Variants in HSBP1 observed in about 807,000 individuals in gnomAD.
The protein encoded by HSBP1 is heat shock factor binding protein 1, also known as heat shock factor-binding protein 1.
A neutral mutation model predicts 9.6 loss-of-function variants in HSBP1; 5 were observed. The observed-to-expected ratio is 0.52, with a 90% CI of 0.27 to 1.09. HSBP1 has a LOEUF of 1.09. Ranked by LOEUF, HSBP1 falls within the 50% of genes least tolerant of loss-of-function variation. The pLI, the probability that HSBP1 is intolerant of heterozygous loss-of-function variation, is 0.11. For missense variants in HSBP1, 121 were observed against 96.3 expected, an observed-to-expected ratio of 1.26 and a Z score of -1.07; for synonymous variants, 42 against 33.3, an observed-to-expected ratio of 1.26 and a Z score of -0.90.
chr16:83,808,001 C>T lies in HSBP1; in HGVS notation c.-76C>T, dbSNP rs1201843399. On this transcript the variant is annotated 5_prime_UTR_variant, in exon 1 of 4. Coordinates refer to ENST00000433866, the MANE Select transcript of HSBP1 (RefSeq NM_001537.4). ...CCAGTCTCGTCGCGAGAAGCAGCGG[C>T]CCGGGGCGACTGAGCGGACAAACGG... 3 of 1,335,532 alleles carry T rather than the reference C, an allele frequency of 2.2e-6. No individual in the cohort carries two copies. The highest frequency in any genetic ancestry group is 1.5e-5 in the African/African-American group (1 of 65,218). 82.7% of individuals were successfully genotyped at this position (1,335,532 alleles called of 1,614,324 possible). A position where few individuals can be genotyped will look rare whatever the true frequency, so the allele number is the denominator to read the frequency against.
chr16:83,808,707 G>A lies in HSBP1; in HGVS notation c.73G>A (p.Asp25Asn), dbSNP rs962720485. ...VVQTLLQQMQ[D>N]KFQTMSDQII... is the part of the protein sequence containing the mutation. ...GCAGACACTCCTGCAGCAGATGCAAGATAAATTTCAGACCATGTCTGACCA... is the reference window on the plus strand; with the variant it reads ...GCAGACACTCCTGCAGCAGATGCAAAATAAATTTCAGACCATGTCTGACCA... The change falls in exon 2 of 4, where the codon GAT becomes AAT. Residue 25 changes from aspartate to asparagine, a missense_variant. Transcript: ENST00000433866. 4.3e-6 allele frequency: 7 copies of A among 1,612,824 alleles called. No individual in the cohort carries two copies. The highest frequency in any genetic ancestry group is 1.3e-5 in the African/African-American group (1 of 74,918).
At position 83,815,654 on chromosome 16, in the gene HSBP1, C is replaced by A. The variant is rs1004981733; in HGVS notation, c.*4236C>A. On this transcript the variant is annotated 3_prime_UTR_variant, in exon 4 of 4. Transcript: ENST00000433866. ...TACAACATCAGCCTCTGTGGGATCC[C>A]TGAGAATGATGAAATGTAATATGTG... 3 of 152,236 alleles carry A rather than the reference C, an allele frequency of 2.0e-5. No homozygotes were observed. Among genetic ancestry groups the A allele is most frequent in the African/African-American group, 7.2e-5 (3 of 41,516 alleles). 9.4% of individuals were successfully genotyped at this position (152,236 alleles called of 1,614,324 possible).
rs1383413058 is a variant in HSBP1, at chr16:83,813,569, T to A, written c.*2151T>A. 1 of 152,514 alleles carries A rather than the reference T, an allele frequency of 6.6e-6. No individual in the cohort carries two copies. Among genetic ancestry groups the A allele is most frequent in the Non-Finnish European group, 1.5e-5 (1 of 68,282 alleles). The allele number at this position is 152,514 out of a possible 1,614,324, so 9.4% of individuals were successfully genotyped here. A position where few individuals can be genotyped will look rare whatever the true frequency, so the allele number is the denominator to read the frequency against. On this transcript the variant is annotated 3_prime_UTR_variant, in exon 4 of 4. Transcript: ENST00000433866. ...ACTCCTAGGCTCAAGCAGTCCTGTC[T>A]CAGCCTCCCAAAGTGCTGGGATTAC... is the stretch of plus-strand genomic sequence containing the variant.
Position 83,816,242 on chromosome 16 carries a change from A to C in HSBP1, c.*4824A>C, listed in dbSNP as rs1009983954. 13 of 152,142 alleles carry C rather than the reference A, an allele frequency of 8.5e-5. No individual in the cohort carries two copies. Among genetic ancestry groups the C allele is most frequent in the African/African-American group, 3.1e-4 (13 of 41,412 alleles). 9.4% of individuals were successfully genotyped at this position (152,142 alleles called of 1,614,324 possible). A position where few individuals can be genotyped will look rare whatever the true frequency, so the allele number is the denominator to read the frequency against. Reference sequence around the variant, plus strand: ...GGCGAAACCCCCGTCTCTACTAAAAATACAAAAATTAGCCAGGCGTGGTGG... The same window carrying C: ...GGCGAAACCCCCGTCTCTACTAAAACTACAAAAATTAGCCAGGCGTGGTGG... On this transcript the variant is annotated 3_prime_UTR_variant, in exon 4 of 4. Coordinates refer to ENST00000433866, the MANE Select transcript of HSBP1 (RefSeq NM_001537.4).
chr16:83,810,125 C>A, intron 3 of HSBP1, among the ~76,000 whole-genome samples: 1 of 149,786 alleles, frequency 6.7e-6, no homozygotes. Flanking sequence ...ATGGAAATAA[C>A]TGATAAGTCA....
In HSBP1 at chr16:83,816,462, C is replaced by G. The variant is rs571874749; in HGVS notation, c.*5044C>G. The G allele has an allele frequency of 3.9e-5, 6 of 152,144 alleles. No homozygotes were observed. Among genetic ancestry groups the G allele is most frequent in the Non-Finnish European group, 8.8e-5 (6 of 68,022 alleles). 9.4% of individuals were successfully genotyped at this position (152,144 alleles called of 1,614,324 possible). A position where few individuals can be genotyped will look rare whatever the true frequency, so the allele number is the denominator to read the frequency against. On this transcript the variant is annotated 3_prime_UTR_variant, in exon 4 of 4. Transcript: ENST00000433866. ...AGACCCAACCCCAGATTTGTTCCAC[C>G]TGGGTGCATCCGGTCAGAGAATGCC... is the stretch of plus-strand genomic sequence containing the variant.
Position 83,813,719 on chromosome 16 carries a change from G to C in HSBP1, c.*2301G>C, listed in dbSNP as rs889684101. On this transcript the variant is annotated 3_prime_UTR_variant, in exon 4 of 4. Transcript: ENST00000433866. ...CTTGAGGGCTGAACAATACAGATGAGTATGGGGGCCCTCGCACCAAGGAAA... is the reference window on the plus strand; with the variant it reads ...CTTGAGGGCTGAACAATACAGATGACTATGGGGGCCCTCGCACCAAGGAAA... 2 of 152,198 alleles carry C rather than the reference G, an allele frequency of 1.3e-5. No homozygotes were observed. The highest frequency in any genetic ancestry group is 4.8e-5 in the African/African-American group (2 of 41,444). 9.4% of individuals were successfully genotyped at this position (152,198 alleles called of 1,614,324 possible).
Position 83,818,387 on chromosome 16 carries a change from C to G in HSBP1, c.*6969C>G, listed in dbSNP as rs1360723961. The G allele has an allele frequency of 6.6e-6, 1 of 152,186 alleles. No homozygotes were observed. The highest frequency in any genetic ancestry group is 1.5e-5 in the Non-Finnish European group (1 of 68,028). 9.4% of individuals were successfully genotyped at this position (152,186 alleles called of 1,614,324 possible). A position where few individuals can be genotyped will look rare whatever the true frequency, so the allele number is the denominator to read the frequency against. ...AATCACTGACCCCAGACATTGTTCC[C>G]TGCCATCCACTCTGCCAGACATTTC... On this transcript the variant is annotated 3_prime_UTR_variant, in exon 4 of 4. Coordinates refer to ENST00000433866, the MANE Select transcript of HSBP1 (RefSeq NM_001537.4).
chr16:83,808,528 A>T lies in HSBP1; in HGVS notation c.46-152A>T, dbSNP rs1038946393. On this transcript the variant is annotated intron_variant, in intron 1 of 3. Coordinates refer to ENST00000433866, the MANE Select transcript of HSBP1 (RefSeq NM_001537.4). ...TCTAATTGGACAGGTTGGAAAACGG[A>T]AGCCCAGAGAAGGAAGATCTTGCTG... 23 of 613,768 alleles carry T rather than the reference A, an allele frequency of 3.7e-5. No homozygotes were observed. In the Middle Eastern group the frequency reaches 1.0e-3, roughly 27 times the overall value. 38.0% of individuals were successfully genotyped at this position (613,768 alleles called of 1,614,324 possible).
At chr16:83,808,300 C>T (rs1904509336) in intron 1 of HSBP1, 179 bp downstream of exon 1, 1 of 589,884 alleles carries the variant, frequency 1.7e-6, no homozygotes, top group Non-Finnish European at 2.9e-6. Flanking sequence ...TCGGTGCGGG[C>T]CAGTCTCCCC....
At chr16:83,810,348 G>A (rs1904571964) in intron 3 of HSBP1, among the ~76,000 whole-genome samples, 1 of 151,984 alleles carries the variant, frequency 6.6e-6, no homozygotes, top group East Asian at 1.9e-4. Flanking sequence ...CAGAGTGCAT[G>A]GTGATCCTTT....
Position 83,819,034 on chromosome 16 carries a change from T to TA in HSBP1, c.*7618dup, listed in dbSNP as rs1410397551. 3 of 152,104 alleles carry TA rather than the reference T, an allele frequency of 2.0e-5. No individual in the cohort carries two copies. The highest frequency in any genetic ancestry group is 4.4e-5 in the Non-Finnish European group (3 of 68,036). The allele number at this position is 152,104 out of a possible 1,614,324, so 9.4% of individuals were successfully genotyped here. A position where few individuals can be genotyped will look rare whatever the true frequency, so the allele number is the denominator to read the frequency against. ...GAGGGAGGTCCAGCAGCCTGGGTTT[T>TA]AACACATCCTCCAGGCGATTCTGAG... On this transcript the variant is annotated 3_prime_UTR_variant, in exon 4 of 4. Transcript: ENST00000433866.
chr16:83,817,411 C>T lies in HSBP1; in HGVS notation c.*5993C>T, dbSNP rs1904745019. The T allele has an allele frequency of 6.6e-6, 1 of 152,248 alleles. No homozygotes were observed. The highest frequency in any genetic ancestry group is 1.5e-5 in the Non-Finnish European group (1 of 68,040). The allele number at this position is 152,248 out of a possible 1,614,324, so 9.4% of individuals were successfully genotyped here. Reference sequence around the variant, plus strand: ...TCAGTAACCGGATTCAGCTTCAGATCTGCCTGACATTTTTCCTGCCTGTCC... The same window carrying T: ...TCAGTAACCGGATTCAGCTTCAGATTTGCCTGACATTTTTCCTGCCTGTCC... On this transcript the variant is annotated 3_prime_UTR_variant, in exon 4 of 4. Coordinates refer to ENST00000433866, the MANE Select transcript of HSBP1 (RefSeq NM_001537.4).
intron 1 of HSBP1, 31 bp from the exon 2 acceptor site, chr16:83,808,649 G>C: frequency 6.3e-7 from 1 of 1,584,560 alleles, no homozygotes. Flanking sequence ...GATCGATGTG[G>C]ACCGTGTTTG....
At chr16:83,808,892 G>A (rs952882152) in intron 2 of HSBP1, 146 bp downstream of exon 2, 5 of 661,092 alleles carry the variant, frequency 7.6e-6, no homozygotes, top group African/African-American at 7.3e-5. Flanking sequence ...TTTCTGAGAA[G>A]GACTGCGCCG....
At position 83,817,040 on chromosome 16, in the gene HSBP1, C is replaced by A. The variant is rs1904736633; in HGVS notation, c.*5622C>A. 1 of 152,230 alleles carries A rather than the reference C, an allele frequency of 6.6e-6. No individual in the cohort carries two copies. Among genetic ancestry groups the A allele is most frequent in the Non-Finnish European group, 1.5e-5 (1 of 68,062 alleles). 9.4% of individuals were successfully genotyped at this position (152,230 alleles called of 1,614,324 possible). ...TGGCACATTAGAATCACCTGGGGAG[C>A]AGTTCAAAGGCCCAAAACTGGGCAG... On this transcript the variant is annotated 3_prime_UTR_variant, in exon 4 of 4. Transcript: ENST00000433866.
In HSBP1 at chr16:83,813,490, A is replaced by G. The variant is rs899927032; in HGVS notation, c.*2072A>G. 1.3e-5 allele frequency: 2 copies of G among 152,402 alleles called. No individual in the cohort carries two copies. Among genetic ancestry groups the G allele is most frequent in the African/African-American group, 4.8e-5 (2 of 41,372 alleles). 9.4% of individuals were successfully genotyped at this position (152,402 alleles called of 1,614,324 possible). A position where few individuals can be genotyped will look rare whatever the true frequency, so the allele number is the denominator to read the frequency against. On this transcript the variant is annotated 3_prime_UTR_variant, in exon 4 of 4. Coordinates refer to ENST00000433866, the MANE Select transcript of HSBP1 (RefSeq NM_001537.4). The stretch of plus-strand genomic sequence containing the variant: ...CTCAGCCTCCCAAGTAGCTAATATT[A>G]CAGGTTCGTGCCACCGCACCTGGGT...
rs529802401 is a variant in HSBP1 at position 83,816,559 on chromosome 16, G to A, written c.*5141G>A. Reference sequence around the variant, plus strand: ...GAAGGTGTTTCCACCCCACTCCTGTGCCTAAAATGATCCTGGCAAACAGGA... The same window carrying A: ...GAAGGTGTTTCCACCCCACTCCTGTACCTAAAATGATCCTGGCAAACAGGA... On this transcript the variant is annotated 3_prime_UTR_variant, in exon 4 of 4. Transcript: ENST00000433866. 6.6e-6 allele frequency: 1 copy of A among 152,278 alleles called. No homozygotes were observed. Among genetic ancestry groups the A allele is most frequent in the South Asian group, 2.1e-4 (1 of 4,826 alleles). 9.4% of individuals were successfully genotyped at this position (152,278 alleles called of 1,614,324 possible).
chr16:83,808,652 C>T (rs777773466), intron 1 of HSBP1, 28 bp from the exon 2 acceptor site: 5 of 1,587,840 alleles, frequency 3.1e-6, no homozygotes, highest in East Asian at 4.5e-5. Flanking sequence ...CGATGTGGAC[C>T]GTGTTTGTTT....
Sources: allele counts gnomAD v4.1 joint callset (sites outside exome capture counted in the v4.1 genomes callset), GRCh38; gene constraint gnomAD v4.1.1; transcripts MANE v1.5; gene names NCBI Gene and HGNC (gene_info 2026-07-23, HGNC 2026-07-21).